GNAT3: variants seen among roughly 807,000 people sequenced by gnomAD.
The protein encoded by GNAT3 is guanine nucleotide-binding protein G(t) subunit alpha-3.
Under a neutral mutation model 37.7 loss-of-function variants are expected in GNAT3, and 31 were observed. The observed-to-expected ratio is 0.82, with a 90% CI of 0.62 to 1.11. The LOEUF is 1.11. GNAT3 is among the 50% of genes most tolerant of loss of function. The pLI is 0.00. For synonymous variants in GNAT3, 138 were observed against 139.8 expected (o/e 0.99, Z 0.09); for missense variants, 437 against 412.5 (o/e 1.06, Z -0.51).
chr7:80,502,172 G>A (rs1175428452), intron 1 of GNAT3, among the ~76,000 whole-genome samples: 2 of 152,004 alleles, frequency 1.3e-5, no homozygotes, highest in Non-Finnish European at 2.9e-5. Context: ...TTTTATAGGT[G>A]ACGGAGAAGT....
At chr7:80,508,864 T>C (rs561325117) in intron 1 of GNAT3, among the ~76,000 whole-genome samples, 5 of 152,188 alleles carry the variant, frequency 3.3e-5, no homozygotes, top group African/African-American at 1.2e-4. Context: ...TTTAAGCTTC[T>C]AGAAATTCAT....
At chr7:80,494,507 G>T (rs181638517) in intron 2 of GNAT3, 98 bp downstream of exon 2, 78 of 683,164 alleles carry the variant, frequency 1.1e-4, no homozygotes, top group Non-Finnish European at 1.8e-4. Context: ...ATTTAGAAAA[G>T]ATTGTCAATC....
intron 3 of GNAT3, among the ~76,000 whole-genome samples, chr7:80,483,159 G>A (rs758141180): frequency 6.6e-6 from 1 of 152,080 alleles, no homozygotes; most frequent in Non-Finnish European, 1.5e-5. Context: ...TTGCATGTCA[G>A]GCCCTGCAAA....
chr7:80,479,005 C>T lies in GNAT3; in HGVS notation c.304-7G>A, dbSNP rs376493220. The T allele has an allele frequency of 2.5e-6, 4 of 1,582,648 alleles. No individual in the cohort carries two copies. Among genetic ancestry groups the T allele is most frequent in the East Asian group, 2.3e-5 (1 of 44,264 alleles). ...AAAGTTGTCGTTGGTCCTCCTAGAA[C>T]AATATTTTGGTGAGAATAAGTATGT... On this transcript the variant is annotated splice_polypyrimidine_tract_variant and splice_region_variant and intron_variant, in intron 3 of 7. Transcript: ENST00000398291.
At position 80,477,641 on chromosome 7, in the gene GNAT3, G is replaced by A. The variant is rs370336492; in HGVS notation, c.461+1200C>T. Among the ~76,000 whole-genome samples the A allele has an allele frequency of 1.5e-3, 234 of 152,184 alleles. 8 individuals are homozygous for A. The South Asian group carries it at 0.047, about 31-fold the overall frequency. The stretch of plus-strand genomic sequence containing the variant: ...CCATCAATGATTAAAAATCTGAAGT[G>A]TCATGCAAGCTTCATTGTTCTGTCC... On this transcript the variant is annotated intron_variant, in intron 4 of 7. Transcript: ENST00000398291.
chr7:80,458,934 G>A, intron 7 of GNAT3, 73 bp from the exon 8 acceptor site: 1 of 1,012,998 alleles, frequency 9.9e-7, no homozygotes, highest in Non-Finnish European at 1.4e-6. Flanking sequence ...AATAATATCA[G>A]CAAATTTTAG....
intron 5 of GNAT3, among the ~76,000 whole-genome samples, chr7:80,468,133 C>T (rs1790155070): frequency 6.6e-6 from 1 of 151,876 alleles, no homozygotes; most frequent in African/African-American, 2.4e-5. Flanking sequence ...CAGGGCAAAC[C>T]ATCAGAGTTT....
intron 1 of GNAT3, among the ~76,000 whole-genome samples, chr7:80,505,574 G>T (rs1683955059): frequency 6.6e-6 from 1 of 152,106 alleles, no homozygotes; most frequent in Non-Finnish European, 1.5e-5. Flanking sequence ...CACCGTGTTA[G>T]CCAGGATGGT....
intron 1 of GNAT3, among the ~76,000 whole-genome samples, chr7:80,497,593 C>CACT (rs1562732825): frequency 7.6e-5 from 10 of 131,732 alleles, no homozygotes; most frequent in East Asian, 7.1e-4. Flanking sequence ...TATACATATA[C>CACT]GTATATACAT....
In GNAT3 at chr7:80,512,037, A is replaced by C; in HGVS notation, c.-111T>G. 1 of 677,736 alleles carries C rather than the reference A, an allele frequency of 1.5e-6. No homozygotes were observed. Among genetic ancestry groups the C allele is most frequent in the Non-Finnish European group, 2.6e-6 (1 of 383,302 alleles). 42.0% of individuals were successfully genotyped at this position (677,736 alleles called of 1,614,324 possible). On this transcript the variant is annotated 5_prime_UTR_variant, in exon 1 of 8. Coordinates refer to ENST00000398291, the MANE Select transcript of GNAT3 (RefSeq NM_001102386.3). The stretch of plus-strand genomic sequence containing the variant: ...GTAATGCTCTGCTGAAGTACCTAGC[A>C]GTCCATTCCCTAATGCTCTAAGATT...
chr7:80,499,467 C>T (rs972530490), intron 1 of GNAT3, among the ~76,000 whole-genome samples: 2 of 152,060 alleles, frequency 1.3e-5, no homozygotes, highest in Non-Finnish European at 2.9e-5. Flanking sequence ...TCACTGCAGC[C>T]TTGGCCTCCT....
intron 5 of GNAT3, among the ~76,000 whole-genome samples, chr7:80,469,130 GACC>G: frequency 6.6e-6 from 1 of 152,134 alleles, no homozygotes; most frequent in Non-Finnish European, 1.5e-5. Flanking sequence ...CCACACAAAT[GACC>G]ACGATATACA....
chr7:80,461,661 C>A (rs1790052455), intron 7 of GNAT3, among the ~76,000 whole-genome samples: 1 of 145,442 alleles, frequency 6.9e-6, no homozygotes, highest in African/African-American at 2.8e-5. Flanking sequence ...CTTACAATCG[C>A]TGACTAACAG....
At chr7:80,501,997 T>G (rs1004569200) in intron 1 of GNAT3, among the ~76,000 whole-genome samples, 12 of 152,054 alleles carry the variant, frequency 7.9e-5, no homozygotes, top group African/African-American at 2.7e-4. Context: ...TATTTAGATA[T>G]TCCAACTTTC....
chr7:80,466,029 G>C (rs1195122302), intron 5 of GNAT3, among the ~76,000 whole-genome samples: 1 of 151,980 alleles, frequency 6.6e-6, no homozygotes, highest in African/African-American at 2.4e-5. Context: ...CCACCCACGG[G>C]GTTTTTAACC....
At chr7:80,505,561 T>C (rs1790920623) in intron 1 of GNAT3, among the ~76,000 whole-genome samples, 1 of 152,040 alleles carries the variant, frequency 6.6e-6, no homozygotes, top group African/African-American at 2.4e-5. Context: ...ATAGACGGGG[T>C]TTCACCGTGT....
chr7:80,470,018 T>C (rs1401072399), intron 5 of GNAT3, among the ~76,000 whole-genome samples: 1 of 152,170 alleles, frequency 6.6e-6, no homozygotes, highest in African/African-American at 2.4e-5. Context: ...AATTTTATTG[T>C]TTAAATAAAG....
chr7:80,491,804 A>C (rs1286306167), intron 2 of GNAT3, among the ~76,000 whole-genome samples: 4 of 152,158 alleles, frequency 2.6e-5, no homozygotes, highest in Non-Finnish European at 5.9e-5. Context: ...GCTAATTTTG[A>C]TTATTTTCTA....
intron 3 of GNAT3, among the ~76,000 whole-genome samples, chr7:80,485,089 G>A (rs145742078): frequency 2.5e-4 from 38 of 151,742 alleles, no homozygotes; most frequent in Admixed American, 1.8e-3. Flanking sequence ...CTGTGATTTC[G>A]CATACTTCTG....
Sources: gnomAD v4.1 joint callset for allele counts (sites outside exome capture counted in the v4.1 genomes callset) on GRCh38, gnomAD v4.1.1 for gene constraint, MANE v1.5 for transcripts, NCBI Gene and HGNC (gene_info 2026-07-23, HGNC 2026-07-21) for gene names.